TM9SF4: variants seen among roughly 807,000 people sequenced by gnomAD.
TM9SF4 encodes dinucleotide oxidase disulfide thiol exchanger 3 superfamily member 4.
A neutral mutation model predicts 90.4 loss-of-function variants in TM9SF4; 26 were observed. The observed-to-expected ratio is 0.29, with a 90% CI of 0.21 to 0.40. TM9SF4 has a LOEUF of 0.40. TM9SF4 is among the 10% of genes least tolerant of loss of function. The pLI is 1.00. For synonymous variants in TM9SF4, 293 were observed against 315.4 expected (o/e 0.93, Z 0.75); for missense variants, 549 against 834.8 (o/e 0.66, Z 4.22).
In TM9SF4 at chr20:32,133,048, G is replaced by C; in HGVS notation, c.51G>C (p.Leu17=). The C allele has an allele frequency of 6.2e-7, 1 of 1,614,134 alleles. No individual in the cohort carries two copies. The highest frequency in any genetic ancestry group is 8.5e-7 in the Non-Finnish European group (1 of 1,180,012). Residue 17 remains leucine, a synonymous_variant, in exon 2 of 18, where the codon CTG becomes CTC. Transcript: ENST00000398022. ...WLPWSLLLFS[L]MCETSAFYVP... ...CGTGGTCTTTACTGCTTTTCTCCCT[G>C]ATGTGTGAAACAAGCGCCTTCTATG...
chr20:32,146,045 A>G (rs2046757885), intron 8 of TM9SF4, among the ~76,000 whole-genome samples: 1 of 152,224 alleles, frequency 6.6e-6, no homozygotes, highest in African/African-American at 2.4e-5. Context: ...GTAGAATGAC[A>G]CTGATGGTTT....
chr20:32,116,496 A>G (rs1390248552), intron 1 of TM9SF4: 1 of 152,278 alleles, frequency 6.6e-6, no homozygotes, highest in Non-Finnish European at 1.5e-5. Flanking sequence ...TATTAGTTTC[A>G]CCTGGACTTC....
chr20:32,129,292 G>C (rs936330628), intron 1 of TM9SF4, among the ~76,000 whole-genome samples: 1 of 151,858 alleles, frequency 6.6e-6, no homozygotes, highest in African/African-American at 2.4e-5. Context: ...CAGAAGTTTG[G>C]GACCAGCCTG....
intron 1 of TM9SF4, among the ~76,000 whole-genome samples, chr20:32,113,663 G>A (rs901613154): frequency 6.6e-6 from 1 of 151,986 alleles, no homozygotes; most frequent in African/African-American, 2.4e-5. Context: ...CTTCTTTATG[G>A]ATATAATTCA....
At chr20:32,118,770 T>C (rs1204328454) in intron 1 of TM9SF4, among the ~76,000 whole-genome samples, 1 of 151,982 alleles carries the variant, frequency 6.6e-6, no homozygotes, top group Non-Finnish European at 1.5e-5. Context: ...AGAGTAGCTG[T>C]GACTACAGGC....
intron 8 of TM9SF4, 92 bp downstream of exon 8, chr20:32,145,515 C>A: frequency 1.7e-6 from 2 of 1,166,864 alleles, no homozygotes; most frequent in South Asian, 1.3e-5. Context: ...CCAGGGTGTT[C>A]TGAGGGTCAG....
Position 32,167,213 on chromosome 20 carries a change from GC to G in TM9SF4, c.*1771del, listed in dbSNP as rs1461783843. ...TTTTTAATTAAAAAAATGCCTGTAT[GC>G]CTTTTTTTGGTCGGATTGTAAATAA... is the stretch of plus-strand genomic sequence containing the variant. On this transcript the variant is annotated 3_prime_UTR_variant, in exon 18 of 18. Coordinates refer to ENST00000398022, the MANE Select transcript of TM9SF4 (RefSeq NM_014742.4). The G allele has an allele frequency of 6.6e-6, 1 of 151,992 alleles. No homozygotes were observed. The highest frequency in any genetic ancestry group is 1.9e-4 in the East Asian group (1 of 5,194). 9.4% of individuals were successfully genotyped at this position (151,992 alleles called of 1,614,324 possible).
In TM9SF4 at chr20:32,109,775, G is replaced by T; in HGVS notation, c.15+20G>T. 6.4e-7 allele frequency: 1 copy of T among 1,551,410 alleles called. No homozygotes were observed. The highest frequency in any genetic ancestry group is 8.7e-7 in the Non-Finnish European group (1 of 1,146,796). ...GCGATGGTGAGTGAAGGAGACTCCGGGAGCGGGAGCTGGAGCGGGGCCCTC... is the reference window on the plus strand; with the variant it reads ...GCGATGGTGAGTGAAGGAGACTCCGTGAGCGGGAGCTGGAGCGGGGCCCTC... On this transcript the variant is annotated intron_variant, in intron 1 of 17. Transcript: ENST00000398022.
Position 32,146,870 on chromosome 20 carries a change from C to CTGGGGAGGGATGAAGTTGGA in TM9SF4, c.954+25_954+44dup, listed in dbSNP as rs777131857. ...AGGATGACATTGTACGAGGTCTTGG[C>CTGGGGAGGGATGAAGTTGGA]TGGGGAGGGATGAAGTTGGATGGGG... On this transcript the variant is annotated intron_variant, in intron 9 of 17. Coordinates refer to ENST00000398022, the MANE Select transcript of TM9SF4 (RefSeq NM_014742.4). The CTGGGGAGGGATGAAGTTGGA allele has an allele frequency of 6.2e-7, 1 of 1,611,914 alleles. No individual in the cohort carries two copies. Among genetic ancestry groups the CTGGGGAGGGATGAAGTTGGA allele is most frequent in the East Asian group, 2.2e-5 (1 of 44,848 alleles).
At chr20:32,114,697 G>T (rs375729909) in intron 1 of TM9SF4, among the ~76,000 whole-genome samples, 3 of 152,168 alleles carry the variant, frequency 2.0e-5, no homozygotes, top group Non-Finnish European at 2.9e-5. Flanking sequence ...TGGAACAGAA[G>T]GCCAGAGGCC....
chr20:32,141,172 G>A lies in TM9SF4; in HGVS notation c.230-325G>A, dbSNP rs1327562259. On this transcript the variant is annotated intron_variant, in intron 3 of 17. Transcript: ENST00000398022. ...GCAGAGTTCACAGTGAGCTGAGATC[G>A]TGCCACTGCACTCCAGCCTGGGTGA... Among the ~76,000 whole-genome samples the A allele has an allele frequency of 1.4e-4, 20 of 144,052 alleles. 1 individual carries two copies. The highest frequency in any genetic ancestry group is 7.5e-5 in the Non-Finnish European group (5 of 66,946). 94.5% of individuals were successfully genotyped at this position (144,052 alleles called of 152,430 possible). A position where few individuals can be genotyped will look rare whatever the true frequency, so the allele number is the denominator to read the frequency against.
intron 1 of TM9SF4, among the ~76,000 whole-genome samples, chr20:32,126,068 A>AACACACACACACACACACACAC (rs71185382): frequency 2.2e-5 from 3 of 138,596 alleles, no homozygotes; most frequent in African/African-American, 5.8e-5. Flanking sequence ...CTTTCCCGTA[A>AACACACACACACACACACACAC]ACACACACAC....
intron 1 of TM9SF4, among the ~76,000 whole-genome samples, chr20:32,132,149 A>G (rs1203923123): frequency 6.6e-6 from 1 of 152,174 alleles, no homozygotes; most frequent in Non-Finnish European, 1.5e-5. Flanking sequence ...CACACTTGTA[A>G]TCTCGGCACT....
rs1279110483 is a variant in TM9SF4, at chr20:32,157,957, A to G, written c.1493A>G (p.Asn498Ser). Residue 498 changes from asparagine to serine, a missense_variant, in exon 14 of 18, where the codon AAC becomes AGC. By Grantham distance (46) the Asn-to-Ser change is conservative (BLOSUM62 1). Around this residue, in one of 2 missense-constraint regions of TM9SF4, gnomAD observed 495 missense variants for 711.7 expected, o/e 0.70. Transcript: ENST00000398022. ...RQIPEQRWYM[N>S]RFVGILMAGI... ...ATCCCCGAGCAGCGGTGGTACATGAACCGATTTGTGGGGTGAGTCCTCCAG... is the reference window on the plus strand; with the variant it reads ...ATCCCCGAGCAGCGGTGGTACATGAGCCGATTTGTGGGGTGAGTCCTCCAG... 6.2e-7 allele frequency: 1 copy of G among 1,614,066 alleles called. No homozygotes were observed. The highest frequency in any genetic ancestry group is 1.3e-5 in the African/African-American group (1 of 75,020).
intron 12 of TM9SF4, among the ~76,000 whole-genome samples, chr20:32,151,862 T>G (rs1461970395): frequency 6.6e-6 from 1 of 151,042 alleles, no homozygotes; most frequent in Non-Finnish European, 1.5e-5. Context: ...TGTTTTTTTG[T>G]TTTTTTGTTT....
intron 17 of TM9SF4, among the ~76,000 whole-genome samples, chr20:32,164,902 G>A (rs551697048): frequency 2.0e-5 from 3 of 152,130 alleles, no homozygotes; most frequent in Admixed American, 6.5e-5. Context: ...AGGCTGAGGC[G>A]GGCTGATGGG....
intron 6 of TM9SF4, among the ~76,000 whole-genome samples, chr20:32,144,366 A>G (rs17267078): frequency 0.12 from 18,443 of 152,302 alleles, 1,261 homozygotes; most frequent in East Asian, 0.18. Context: ...TGGAGAAAAC[A>G]TCTGAATGAT....
In TM9SF4 at chr20:32,156,942, C is replaced by CTTTTTTTTTTTTTT. The variant is rs71185385; in HGVS notation, c.1330-850_1330-837dup. ...TATTTTTTTTTTTCCTGGACATTTTCTTTTTTTTTTTTTTTGAGACGAAGT... is the reference window on the plus strand; with the variant it reads ...TATTTTTTTTTTTCCTGGACATTTTCTTTTTTTTTTTTTTTTTTTTTTTTTTTTTGAGACGAAGT... On this transcript the variant is annotated intron_variant, in intron 13 of 17. Transcript: ENST00000398022. Among the ~76,000 whole-genome samples the CTTTTTTTTTTTTTT allele has an allele frequency of 1.4e-3, 146 of 103,458 alleles. 8 individuals are homozygous for CTTTTTTTTTTTTTT. The highest frequency in any genetic ancestry group is 3.4e-3 in the African/African-American group (74 of 21,564). 67.9% of individuals were successfully genotyped at this position (103,458 alleles called of 152,430 possible).
intron 17 of TM9SF4, among the ~76,000 whole-genome samples, chr20:32,162,428 C>T (rs746218447): frequency 2.6e-5 from 4 of 152,216 alleles, no homozygotes; most frequent in African/African-American, 7.2e-5. Flanking sequence ...AACTGCAGCC[C>T]GCGTGGGCCA....
Sources: allele counts gnomAD v4.1 joint callset (sites outside exome capture counted in the v4.1 genomes callset), GRCh38; gene constraint gnomAD v4.1.1; regional missense constraint gnomAD v4.1.1; transcripts MANE v1.5; gene names NCBI Gene and HGNC (gene_info 2026-07-23, HGNC 2026-07-21).